Variants in NRXN1 observed in about 807,000 individuals in gnomAD.
NRXN1 encodes the protein neurexin 1.
In NRXN1, 39 loss-of-function variants were observed where a neutral mutation model predicts 150.9. That is an observed-to-expected ratio of 0.26 (90% CI 0.20 to 0.34). The LOEUF (loss-of-function observed/expected upper bound fraction) is 0.34, where lower values mean the gene tolerates loss of function less well. Among genes scored for constraint, NRXN1 ranks in the 10% least tolerant of loss-of-function variants. The pLI is 1.00. For missense variants in NRXN1, 1,815 were observed against 1,949.9 expected (o/e 0.93, Z 1.30); for synonymous variants, 924 against 757.0 (o/e 1.22, Z -3.62).
At chr2:50,849,860 G>A (rs750474683) in intron 5 of NRXN1, among the ~76,000 whole-genome samples, 1 of 151,928 alleles carries the variant, frequency 6.6e-6, no homozygotes, top group African/African-American at 2.4e-5. Context: ...ACCTTCCCCA[G>A]TACACACACA....
chr2:50,412,472 T>G (rs1463620095), intron 17 of NRXN1, among the ~76,000 whole-genome samples: 1 of 152,120 alleles, frequency 6.6e-6, no homozygotes, highest in Non-Finnish European at 1.5e-5. Flanking sequence ...CTGCAAGAAC[T>G]CTTAGTTTAT....
intron 18 of NRXN1, among the ~76,000 whole-genome samples, chr2:50,182,111 C>T (rs1277431957): frequency 9.4e-5 from 13 of 138,744 alleles, no homozygotes; most frequent in Admixed American, 3.6e-4. Flanking sequence ...ATTCATTATC[C>T]TTTTTTTTTT....
chr2:50,560,037 C>T (rs1668824542), intron 8 of NRXN1, among the ~76,000 whole-genome samples: 1 of 152,158 alleles, frequency 6.6e-6, no homozygotes, highest in Non-Finnish European at 1.5e-5. Flanking sequence ...CATGTTCCTG[C>T]CACCATGAGG....
intron 22 of NRXN1, among the ~76,000 whole-genome samples, chr2:49,942,476 C>T (rs2104365615): frequency 6.6e-6 from 1 of 152,276 alleles, no homozygotes; most frequent in Middle Eastern, 3.4e-3. Context: ...AATGCAAATT[C>T]ATTACTTTCT....
chr2:50,364,286 T>C (rs553365812), intron 17 of NRXN1, among the ~76,000 whole-genome samples: 83 of 152,240 alleles, frequency 5.5e-4, no homozygotes, highest in Admixed American at 4.4e-3. Context: ...TAAAACTACA[T>C]AGTTTAATGG....
At chr2:50,926,703 G>T (rs1241836544) in intron 2 of NRXN1, among the ~76,000 whole-genome samples, 2 of 151,826 alleles carry the variant, frequency 1.3e-5, no homozygotes, top group African/African-American at 4.8e-5. Flanking sequence ...TTCTGTTGAG[G>T]ATGTGAATAT....
At chr2:50,633,679 T>C (rs990194593) in intron 5 of NRXN1, among the ~76,000 whole-genome samples, 7 of 152,086 alleles carry the variant, frequency 4.6e-5, no homozygotes, top group African/African-American at 1.7e-4. Flanking sequence ...ACCTATGGCA[T>C]ATCTTTGATT....
At chr2:50,644,528 G>A (rs868580661) in intron 5 of NRXN1, among the ~76,000 whole-genome samples, 11 of 151,450 alleles carry the variant, frequency 7.3e-5, no homozygotes, top group East Asian at 1.9e-4. Context: ...CCTACAGTCC[G>A]AAACTAAAGA....
intron 5 of NRXN1, among the ~76,000 whole-genome samples, chr2:50,670,809 G>T (rs1688736844): frequency 6.6e-6 from 1 of 151,814 alleles, no homozygotes; most frequent in Non-Finnish European, 1.5e-5. Flanking sequence ...TTAGATTGAG[G>T]TTATGCATTT....
intron 22 of NRXN1, among the ~76,000 whole-genome samples, chr2:49,941,605 G>C (rs527954249): frequency 1.3e-5 from 2 of 152,224 alleles, no homozygotes; most frequent in East Asian, 3.9e-4. Context: ...TCTGCAACAA[G>C]AGTATGATAG....
chr2:50,055,191 T>G, intron 19 of NRXN1, 147 bp from the exon 20 acceptor site: 1 of 553,370 alleles, frequency 1.8e-6, no homozygotes, highest in Non-Finnish European at 3.2e-6. Context: ...ATTTCATGTT[T>G]CAGACTTGTC....
chr2:50,058,064 A>G (rs1693923528), intron 19 of NRXN1, among the ~76,000 whole-genome samples: 1 of 152,220 alleles, frequency 6.6e-6, no homozygotes, highest in Non-Finnish European at 1.5e-5. Context: ...ATAAACACAT[A>G]AATACATTCA....
chr2:50,527,050 T>C (rs2092971877), intron 12 of NRXN1, among the ~76,000 whole-genome samples: 1 of 152,224 alleles, frequency 6.6e-6, no homozygotes, highest in Non-Finnish European at 1.5e-5. Context: ...TAATTTTCAT[T>C]AATTGCTATA....
chr2:50,851,098 G>A (rs1674452284), intron 5 of NRXN1, among the ~76,000 whole-genome samples: 1 of 152,100 alleles, frequency 6.6e-6, no homozygotes, highest in Non-Finnish European at 1.5e-5. Flanking sequence ...AGATGACCAC[G>A]GAAATGGTCT....
At chr2:50,128,097 G>A (rs1034433568) in intron 18 of NRXN1, among the ~76,000 whole-genome samples, 1 of 152,110 alleles carries the variant, frequency 6.6e-6, no homozygotes, top group African/African-American at 2.4e-5. Flanking sequence ...AAAAAGATAC[G>A]ATAGCTACCA....
intron 17 of NRXN1, among the ~76,000 whole-genome samples, chr2:50,360,147 T>G (rs1432300702): frequency 1.3e-5 from 2 of 151,834 alleles, no homozygotes; most frequent in African/African-American, 4.8e-5. Flanking sequence ...CCAGTCACTG[T>G]AATGTGAAAG....
chr2:50,199,873 A>C (rs2062038354), intron 18 of NRXN1, among the ~76,000 whole-genome samples: 1 of 152,160 alleles, frequency 6.6e-6, no homozygotes, highest in Non-Finnish European at 1.5e-5. Flanking sequence ...TCATAAAACA[A>C]AAGTGGAAAA....
intron 5 of NRXN1, among the ~76,000 whole-genome samples, chr2:50,886,455 T>A (rs1461056653): frequency 2.0e-5 from 3 of 151,332 alleles, no homozygotes; most frequent in Non-Finnish European, 4.4e-5. Flanking sequence ...TTTCTAATTT[T>A]AAAAAAGGAA....
intron 2 of NRXN1, among the ~76,000 whole-genome samples, chr2:51,016,474 A>C (rs1465720254): frequency 2.6e-5 from 4 of 152,236 alleles, no homozygotes; most frequent in African/African-American, 7.2e-5. Context: ...AAAAGAAGAC[A>C]TATATGTAGC....
Sources: allele counts gnomAD v4.1 joint callset (sites outside exome capture counted in the v4.1 genomes callset), GRCh38; gene constraint gnomAD v4.1.1; transcripts MANE v1.5; gene names NCBI Gene and HGNC (gene_info 2026-07-23, HGNC 2026-07-21).